PLXDC2: variants seen among roughly 807,000 people sequenced by gnomAD.
PLXDC2 encodes the protein plexin domain-containing protein 2.
In PLXDC2, 40 loss-of-function variants were observed where a neutral mutation model predicts 68.9. That is an observed-to-expected ratio of 0.58 (90% CI 0.45 to 0.76). PLXDC2 has a LOEUF of 0.76. Among genes scored for constraint, PLXDC2 ranks in the 30% least tolerant of loss-of-function variants. The pLI is 0.00. For missense variants in PLXDC2, 644 were observed against 661.9 expected (o/e 0.97, Z 0.30); for synonymous variants, 243 against 234.2 (o/e 1.04, Z -0.34).
chr10:20,286,855 G>C lies in PLXDC2; in HGVS notation c.*7036G>C, dbSNP rs1272193690. 1.3e-5 allele frequency: 2 copies of C among 152,762 alleles called. No individual in the cohort carries two copies. The allele number at this position is 152,762 out of a possible 1,614,324, so 9.5% of individuals were successfully genotyped here. ...TTCTCCTGCCTCAGCCGCCCAAGTA[G>C]CTGGGATTACAGGCATATGCCACTA... On this transcript the variant is annotated 3_prime_UTR_variant, in exon 14 of 14. Coordinates refer to ENST00000377252, the MANE Select transcript of PLXDC2 (RefSeq NM_032812.9).
intron 4 of PLXDC2, among the ~76,000 whole-genome samples, chr10:20,124,818 C>T (rs1353550506): frequency 7.3e-6 from 1 of 137,128 alleles, no homozygotes; most frequent in Non-Finnish European, 1.6e-5. Context: ...AGGAACAGGC[C>T]ATTTTCACTT....
intron 1 of PLXDC2, among the ~76,000 whole-genome samples, chr10:19,936,769 T>C (rs1833732357): frequency 6.6e-6 from 1 of 152,198 alleles, no homozygotes; most frequent in South Asian, 2.1e-4. Context: ...TCATTTGCCT[T>C]AGAATGTGAC....
intron 1 of PLXDC2, among the ~76,000 whole-genome samples, chr10:19,941,934 C>T (rs1268081165): frequency 2.0e-5 from 3 of 150,080 alleles, no homozygotes; most frequent in Non-Finnish European, 3.0e-5. Context: ...TAATCAAACC[C>T]GTTTTGTATT....
chr10:20,072,935 C>T (rs912261329), intron 4 of PLXDC2, among the ~76,000 whole-genome samples: 2 of 152,146 alleles, frequency 1.3e-5, no homozygotes, highest in Non-Finnish European at 2.9e-5. Flanking sequence ...TCAGATAGTC[C>T]TATTTGACAG....
chr10:20,103,679 T>C (rs1444756496), intron 4 of PLXDC2, among the ~76,000 whole-genome samples: 1 of 150,330 alleles, frequency 6.7e-6, no homozygotes. Flanking sequence ...AGTATCGTTG[T>C]CTCCCATGCT....
chr10:19,856,503 G>GA (rs1837217438), intron 1 of PLXDC2, among the ~76,000 whole-genome samples: 1 of 152,120 alleles, frequency 6.6e-6, no homozygotes, highest in South Asian at 2.1e-4. Context: ...CTTGGACCCA[G>GA]AGATGGGCAT....
intron 2 of PLXDC2, among the ~76,000 whole-genome samples, chr10:20,024,708 C>T (rs1313087036): frequency 2.0e-5 from 3 of 152,032 alleles, no homozygotes; most frequent in African/African-American, 7.2e-5. Flanking sequence ...AGTTTTTCAA[C>T]CCTTGATCCC....
intron 1 of PLXDC2, among the ~76,000 whole-genome samples, chr10:19,992,997 T>C (rs2131630187): frequency 6.6e-6 from 1 of 152,276 alleles, no homozygotes; most frequent in South Asian, 2.1e-4. Flanking sequence ...GCCTCACGAC[T>C]CGGCTCTGGC....
In PLXDC2 at chr10:20,136,990, A is replaced by G. The variant is rs530957706; in HGVS notation, c.542-6305A>G. On this transcript the variant is annotated intron_variant, in intron 4 of 13. Transcript: ENST00000377252. ...CAAAGTGCTTGTTGCATCAGAATGT[A>G]AGGAGAAATATATCAAACCAAGAAC... Among the ~76,000 whole-genome samples, 12 of 152,340 alleles carry G rather than the reference A, an allele frequency of 7.9e-5. No homozygotes were observed. In the East Asian group the frequency reaches 2.3e-3, roughly 29 times the overall value.
chr10:19,911,288 G>C (rs761591763), intron 1 of PLXDC2, among the ~76,000 whole-genome samples: 4 of 152,026 alleles, frequency 2.6e-5, no homozygotes, highest in Non-Finnish European at 5.9e-5. Flanking sequence ...AAATGTGTCT[G>C]TGGAAGGGGA....
chr10:20,232,750 G>C (rs1344019325), intron 12 of PLXDC2, among the ~76,000 whole-genome samples: 1 of 152,182 alleles, frequency 6.6e-6, no homozygotes, highest in Admixed American at 6.5e-5. Flanking sequence ...ATGACTGTAG[G>C]TGGAGACAAG....
At chr10:20,159,497 C>G (rs1834262680) in intron 6 of PLXDC2, among the ~76,000 whole-genome samples, 1 of 152,036 alleles carries the variant, frequency 6.6e-6, no homozygotes, top group African/African-American at 2.4e-5. Flanking sequence ...ACTGTGATAC[C>G]CTCCTAACTA....
At chr10:20,173,025 T>C (rs1320163635) in intron 7 of PLXDC2, among the ~76,000 whole-genome samples, 1 of 152,254 alleles carries the variant, frequency 6.6e-6, no homozygotes. Context: ...TAGCTAATTC[T>C]GCTAATGCAT....
At chr10:19,989,278 G>T (rs1834705338) in intron 1 of PLXDC2, among the ~76,000 whole-genome samples, 1 of 152,182 alleles carries the variant, frequency 6.6e-6, no homozygotes, top group African/African-American at 2.4e-5. Context: ...TGACCTGCTG[G>T]TGAGTGTGTA....
intron 1 of PLXDC2, among the ~76,000 whole-genome samples, chr10:19,849,682 A>T (rs1837079501): frequency 6.6e-6 from 1 of 152,154 alleles, no homozygotes; most frequent in Non-Finnish European, 1.5e-5. Flanking sequence ...AACCCTGCAC[A>T]ACCATGAGTC....
intron 9 of PLXDC2, among the ~76,000 whole-genome samples, chr10:20,180,801 T>C (rs578219611): frequency 6.6e-6 from 1 of 152,220 alleles, no homozygotes; most frequent in Non-Finnish European, 1.5e-5. Context: ...AGGAGATCCA[T>C]GATCTCAAGT....
At chr10:20,069,266 C>A (rs1004090254) in intron 4 of PLXDC2, among the ~76,000 whole-genome samples, 2 of 152,142 alleles carry the variant, frequency 1.3e-5, no homozygotes, top group Non-Finnish European at 2.9e-5. Context: ...AGCACCAACT[C>A]TGAGTGATGG....
chr10:19,921,019 C>G (rs1833453564), intron 1 of PLXDC2, among the ~76,000 whole-genome samples: 1 of 151,944 alleles, frequency 6.6e-6, no homozygotes, highest in Non-Finnish European at 1.5e-5. Flanking sequence ...CCTTGAACTC[C>G]TGGGCTCAAA....
At chr10:19,985,395 T>A (rs192012399) in intron 1 of PLXDC2, among the ~76,000 whole-genome samples, 1 of 152,358 alleles carries the variant, frequency 6.6e-6, no homozygotes, top group Admixed American at 6.5e-5. Context: ...TTAAATCCAC[T>A]TTTTCTATAG....
Sources: gnomAD v4.1 joint callset for allele counts (sites outside exome capture counted in the v4.1 genomes callset) on GRCh38, gnomAD v4.1.1 for gene constraint, MANE v1.5 for transcripts, NCBI Gene and HGNC (gene_info 2026-07-23, HGNC 2026-07-21) for gene names.